Variants in MESP1 observed in about 807,000 individuals in gnomAD.
MESP1 encodes the protein mesoderm posterior bHLH transcription factor 1.
Under a neutral mutation model 15.2 loss-of-function variants are expected in MESP1, and 22 were observed. The ratio of observed to expected loss-of-function variants is 1.45; its 90% confidence interval spans 1.04 to 2.07. MESP1 has a LOEUF of 2.07. MESP1 is among the 30% of genes most tolerant of loss of function. MESP1 has a pLI of 0.00. For missense variants in MESP1, 484 were observed against 411.9 expected, an observed-to-expected ratio of 1.17 and a Z score of -1.51; for synonymous variants, 216 against 192.6, an observed-to-expected ratio of 1.12 and a Z score of -1.01.
chr15:89,737,849 A>G, the MESP1 span: 1 of 1,432,304 alleles, frequency 7.0e-7, no homozygotes. Flanking sequence ...CATAGGCCAA[A>G]GGGTACCGCA....
chr15:89,747,500 A>G (rs13379534), downstream of MESP1, among the ~76,000 whole-genome samples: 97,088 of 152,100 alleles, frequency 0.64, 33,049 homozygotes, highest in African/African-American at 0.85. Flanking sequence ...CTCAGCGGGC[A>G]CCCCTGTGCC....
chr15:89,747,015 GCACA>G (rs1430621065), downstream of MESP1, among the ~76,000 whole-genome samples: 22 of 101,032 alleles, frequency 2.2e-4, no homozygotes, highest in East Asian at 5.9e-4. Flanking sequence ...ATATGCTCAC[GCACA>G]CACACAGCCC....
chr15:89,746,392 A>C (rs1158589017), downstream of MESP1, among the ~76,000 whole-genome samples: 8 of 118,902 alleles, frequency 6.7e-5, no homozygotes, highest in African/African-American at 1.5e-4. Context: ...ACATCCACAC[A>C]TCCACACAGC....
the MESP1 span, among the ~76,000 whole-genome samples, chr15:89,733,881 C>T: frequency 1.3e-5 from 2 of 152,202 alleles, no homozygotes; most frequent in African/African-American, 4.8e-5. Flanking sequence ...CCATCCCATA[C>T]GGCCAAGAAG....
chr15:89,750,387 A>G, intron 1 of MESP1, 122 bp downstream of exon 1: 1 of 1,458,824 alleles, frequency 6.9e-7, no homozygotes, highest in South Asian at 1.3e-5. Flanking sequence ...TGGGCATACT[A>G]TGGTGGCCAG....
the MESP1 span, among the ~76,000 whole-genome samples, chr15:89,741,440 C>A: frequency 0.012 from 1,808 of 152,250 alleles, 39 homozygotes; most frequent in African/African-American, 0.042. Flanking sequence ...GTTGCCCAGG[C>A]TGGTCTTGAA....
At chr15:89,738,214 T>G in the MESP1 span, 3 of 1,611,768 alleles carry the variant, frequency 1.9e-6, no homozygotes, top group African/African-American at 4.0e-5. Context: ...GGAGAAGAGA[T>G]GTGAGCGTTT....
In MESP1 at chr15:89,749,912, A is replaced by T. The variant is rs1255058728; in HGVS notation, c.*232T>A. 1 of 548,256 alleles carries T rather than the reference A, an allele frequency of 1.8e-6. No homozygotes were observed. The highest frequency in any genetic ancestry group is 3.3e-6 in the Non-Finnish European group (1 of 303,134). The allele number at this position is 548,256 out of a possible 1,614,324, so 34.0% of individuals were successfully genotyped here. ...AGTTTATTCACAAATAAATAAATTCACATTAGGCAGAGCCTCCTGCTTGCC... is the reference window on the plus strand; with the variant it reads ...AGTTTATTCACAAATAAATAAATTCTCATTAGGCAGAGCCTCCTGCTTGCC... On this transcript the variant is annotated 3_prime_UTR_variant, in exon 2 of 2. Transcript: ENST00000300057.
In MESP1 at chr15:89,750,500, G is replaced by C. The variant is rs911890937; in HGVS notation, c.723+9C>G. The C allele has an allele frequency of 6.7e-6, 10 of 1,495,404 alleles. No individual in the cohort carries two copies. The highest frequency in any genetic ancestry group is 2.2e-5 in the Admixed American group (1 of 45,212). 92.6% of individuals were successfully genotyped at this position (1,495,404 alleles called of 1,614,324 possible). A position where few individuals can be genotyped will look rare whatever the true frequency, so the allele number is the denominator to read the frequency against. The stretch of plus-strand genomic sequence containing the variant: ...CGGACGAAGGGGGCGCGGGGAAGGG[G>C]ACACTAACCGGGGACGGTGGGCTTG... On this transcript the variant is annotated intron_variant, in intron 1 of 1. Transcript: ENST00000300057.
rs1968095877 is a variant in MESP1 at position 89,751,238 on chromosome 15, G to C, written c.-7C>G. 8.1e-7 allele frequency: 1 copy of C among 1,234,666 alleles called. No homozygotes were observed. Among genetic ancestry groups the C allele is most frequent in the South Asian group, 4.0e-5 (1 of 24,876 alleles). The allele number at this position is 1,234,666 out of a possible 1,614,324, so 76.5% of individuals were successfully genotyped here. A position where few individuals can be genotyped will look rare whatever the true frequency, so the allele number is the denominator to read the frequency against. ...GGCACAGGGGCTGGGCCATGGCAGC[G>C]GCGGCGCGTCTGGGGGCCGGCGGCC... On this transcript the variant is annotated 5_prime_UTR_variant, in exon 1 of 2. Transcript: ENST00000300057.
the MESP1 span, chr15:89,738,365 G>C: frequency 7.0e-6 from 8 of 1,141,198 alleles, no homozygotes; most frequent in South Asian, 1.7e-5. Context: ...GGTGGCTCAC[G>C]CCTGTAATCC....
chr15:89,741,720 C>T, the MESP1 span, among the ~76,000 whole-genome samples: 1 of 152,114 alleles, frequency 6.6e-6, no homozygotes, highest in East Asian at 1.9e-4. Flanking sequence ...ATTCATATAA[C>T]CGGTTATATA....
rs1555437294 is a variant in MESP1, at chr15:89,751,062, C to CGCGCGGGGCTCG, written c.158_169dup (p.Ala56_Arg57insProSerProAla). The CGCGCGGGGCTCG allele has an allele frequency of 1.1e-5, 14 of 1,266,964 alleles. No homozygotes were observed. The highest frequency in any genetic ancestry group is 9.2e-5 in the South Asian group (4 of 43,298). The allele number at this position is 1,266,964 out of a possible 1,614,324, so 78.5% of individuals were successfully genotyped here. On this transcript the variant is annotated inframe_insertion, in exon 1 of 2. Coordinates refer to ENST00000300057, the MANE Select transcript of MESP1 (RefSeq NM_018670.4). ...GCGGGGGTCCCGGAGGGTGCCTGGC[C>CGCGCGGGGCTCG]GCGCGGGGCTCGCCACGGGGCTGTC...
chr15:89,740,754 G>A, the MESP1 span, among the ~76,000 whole-genome samples: 1 of 151,930 alleles, frequency 6.6e-6, no homozygotes, highest in South Asian at 2.1e-4. Flanking sequence ...TGCCTGCCTC[G>A]GCCTGCCAAA....
At position 89,750,889 on chromosome 15, in the gene MESP1, G is replaced by T; in HGVS notation, c.343C>A (p.Pro115Thr). ...ATCTTGGTCAGGCTCTGGCCCGCGG[G>T]CGCCACGGACGGCGGTAGAAAGCGG... ...LRRFLPPSVA[P>T]AGQSLTKIET... The change falls in exon 1 of 2, where the codon CCC becomes ACC. Residue 115 changes from proline (P) to threonine (T), a missense_variant. Physicochemically the swap from Pro to Thr is conservative, Grantham distance 38. Transcript: ENST00000300057. The T allele has an allele frequency of 3.3e-6, 5 of 1,498,998 alleles. No individual in the cohort carries two copies. The highest frequency in any genetic ancestry group is 4.4e-6 in the Non-Finnish European group (5 of 1,130,250). The allele number at this position is 1,498,998 out of a possible 1,614,324, so 92.9% of individuals were successfully genotyped here.
chr15:89,735,746 G>A, the MESP1 span, among the ~76,000 whole-genome samples: 1 of 152,244 alleles, frequency 6.6e-6, no homozygotes, highest in South Asian at 2.1e-4. Context: ...GGAAGACAGA[G>A]AAGTCACCAG....
At chr15:89,735,487 T>C in the MESP1 span, 6 of 1,614,126 alleles carry the variant, frequency 3.7e-6, no homozygotes, top group Non-Finnish European at 5.1e-6. Flanking sequence ...TTCTGTCCTA[T>C]AGGCCTGTAA....
chr15:89,735,475 T>C, the MESP1 span: 7 of 1,613,698 alleles, frequency 4.3e-6, no homozygotes, highest in Non-Finnish European at 5.1e-6. Context: ...TGTCTGTATA[T>C]TTTCTGTCCT....
chr15:89,737,459 G>A, the MESP1 span: 1 of 1,384,720 alleles, frequency 7.2e-7, no homozygotes, highest in Non-Finnish European at 9.9e-7. Flanking sequence ...TGGGGCCCAA[G>A]AGGTTTTATG....
Sources: gnomAD v4.1 joint callset for allele counts (sites outside exome capture counted in the v4.1 genomes callset) on GRCh38, gnomAD v4.1.1 for gene constraint, MANE v1.5 for transcripts, NCBI Gene and HGNC (gene_info 2026-07-23, HGNC 2026-07-21) for gene names.